Variants in ZNF469 observed in about 807,000 individuals in gnomAD.
ZNF469 encodes the protein zinc finger protein 469.
ZNF469 carries 1 observed loss-of-function variant against 1.0 expected under a neutral mutation model. The ratio of observed to expected loss-of-function variants is 1.00; its 90% CI spans 0.35 to 4.73. ZNF469 has a LOEUF of 4.73. ZNF469 is among the 30% of genes most tolerant of loss of function. ZNF469 has a pLI of 0.16. For missense variants in ZNF469, 6,100 were observed against 5,356.3 expected (o/e 1.14, Z -4.33); for synonymous variants, 2,703 against 2,363.4 (o/e 1.14, Z -4.17).
chr16:88,362,061 T>C, the ZNF469 span, among the ~76,000 whole-genome samples: 3 of 152,268 alleles, frequency 2.0e-5, no homozygotes, highest in Non-Finnish European at 2.9e-5. Context: ...TAGCTTTAGA[T>C]TGATTCTTAA....
At chr16:88,112,985 A>G in the ZNF469 span, among the ~76,000 whole-genome samples, 7,587 of 151,762 alleles carry the variant, frequency 0.05, 329 homozygotes, top group Non-Finnish European at 0.067. Context: ...TCACCGTGTT[A>G]GCCAGGATGG....
At chr16:88,145,161 CA>C in the ZNF469 span, among the ~76,000 whole-genome samples, 24 of 146,704 alleles carry the variant, frequency 1.6e-4, no homozygotes, top group Admixed American at 2.7e-4. Context: ...TTAACGATTA[CA>C]AAAAAAAAAA....
intron 1 of ZNF469, among the ~76,000 whole-genome samples, chr16:88,398,617 G>A (rs1246277783): frequency 2.0e-5 from 3 of 147,294 alleles, no homozygotes; most frequent in Non-Finnish European, 4.5e-5. Context: ...TGTGAGCCAT[G>A]GATGAAGGGA....
At position 88,433,715 on chromosome 16, in the gene ZNF469, G is replaced by A. The variant is rs1013853189; in HGVS notation, c.6245G>A (p.Arg2082Gln). The A allele has an allele frequency of 1.5e-5, 23 of 1,548,886 alleles. No individual in the cohort carries two copies. The highest frequency in any genetic ancestry group is 7.8e-5 in the Admixed American group (4 of 50,980). The change falls in exon 3 of 3, where the codon CGG (arginine) becomes CAG (glutamine). Residue 2082 changes from arginine to glutamine, a missense_variant. Physicochemically the swap from Arg to Gln is conservative, Grantham distance 43. Transcript: ENST00000565624. ...CACAGCCGAAGTGGATCTGAGGGCC[G>A]GACTCCAGAGAGGGCGTCCAGCCCC... Reference protein sequence around the residue: ...AAHSRSGSEGRTPERASSPGL... With the variant: ...AAHSRSGSEGQTPERASSPGL...
the ZNF469 span, among the ~76,000 whole-genome samples, chr16:88,348,280 T>C: frequency 6.6e-6 from 1 of 152,154 alleles, no homozygotes; most frequent in East Asian, 1.9e-4. Context: ...GCCACATTGC[T>C]GCTGTCCCTG....
chr16:88,182,349 C>CT, the ZNF469 span, among the ~76,000 whole-genome samples: 22,753 of 151,648 alleles, frequency 0.15, 2,151 homozygotes, highest in East Asian at 0.35. Context: ...TCTCATCAGA[C>CT]TTTTTTTTTC....
chr16:88,305,584 A>ATG, the ZNF469 span, among the ~76,000 whole-genome samples: 3 of 150,028 alleles, frequency 2.0e-5, no homozygotes, highest in East Asian at 6.1e-4. Context: ...GCTCACAGGC[A>ATG]CACACGCACA....
chr16:88,294,394 A>G, the ZNF469 span, among the ~76,000 whole-genome samples: 1 of 152,068 alleles, frequency 6.6e-6, no homozygotes, highest in African/African-American at 2.4e-5. Flanking sequence ...CTGTCTCCTC[A>G]GTGGTTTAGG....
the ZNF469 span, among the ~76,000 whole-genome samples, chr16:88,355,534 C>T: frequency 6.6e-6 from 1 of 152,334 alleles, no homozygotes; most frequent in South Asian, 2.1e-4. Flanking sequence ...CAGCTGCTGC[C>T]GATCCTGGGG....
At chr16:88,147,346 C>A in the ZNF469 span, among the ~76,000 whole-genome samples, 3 of 152,098 alleles carry the variant, frequency 2.0e-5, no homozygotes, top group Non-Finnish European at 2.9e-5. Context: ...CGACCTCTGA[C>A]CTTCAGCGCC....
chr16:88,381,274 GCACTCACACA>G (rs1218377521), upstream of ZNF469, among the ~76,000 whole-genome samples: 3 of 131,794 alleles, frequency 2.3e-5, no homozygotes, highest in Non-Finnish European at 4.8e-5. Flanking sequence ...ACACAGACAT[GCACTCACACA>G]CACGCACTCA....
chr16:88,216,114 CAT>C, the ZNF469 span, among the ~76,000 whole-genome samples: 1 of 152,182 alleles, frequency 6.6e-6, no homozygotes, highest in African/African-American at 2.4e-5. Context: ...CTTGTCTGAA[CAT>C]GTCTTTATTT....
At chr16:88,194,125 A>G in the ZNF469 span, among the ~76,000 whole-genome samples, 81 of 152,242 alleles carry the variant, frequency 5.3e-4, 2 homozygotes, top group South Asian at 0.017. Context: ...CCCCTCCGCC[A>G]CACAAACCTC....
the ZNF469 span, among the ~76,000 whole-genome samples, chr16:88,121,996 C>G: frequency 6.9e-6 from 1 of 144,360 alleles, no homozygotes; most frequent in African/African-American, 2.9e-5. Flanking sequence ...CCGTCACTCG[C>G]TACGGCCACG....
the ZNF469 span, among the ~76,000 whole-genome samples, chr16:88,117,173 GCATGTGAGGGCCGGGGA>G: frequency 7.0e-6 from 1 of 142,270 alleles, no homozygotes. Flanking sequence ...AGAACTGGGG[GCATGTGAGGGCCGGGGA>G]TGTGTGAGGG....
intron 1 of ZNF469, among the ~76,000 whole-genome samples, chr16:88,405,748 G>C (rs1905011335): frequency 6.6e-6 from 1 of 152,190 alleles, no homozygotes; most frequent in Admixed American, 6.5e-5. Flanking sequence ...CGCCTCGGTG[G>C]GGCCACAGCG....
the ZNF469 span, chr16:88,178,663 C>T: frequency 1.3e-5 from 2 of 152,186 alleles, no homozygotes; most frequent in South Asian, 4.1e-4. Flanking sequence ...GAGCAAAAAA[C>T]AATATTTTGT....
chr16:88,339,746 T>A, the ZNF469 span, among the ~76,000 whole-genome samples: 1 of 47,858 alleles, frequency 2.1e-5, no homozygotes, highest in Non-Finnish European at 3.7e-5. Context: ...GGCAGGGGGA[T>A]GGGGGACAGA....
the ZNF469 span, among the ~76,000 whole-genome samples, chr16:88,240,758 G>C: frequency 1.3e-5 from 2 of 152,144 alleles, no homozygotes; most frequent in Non-Finnish European, 2.9e-5. Flanking sequence ...CTGCAGCCAC[G>C]GGCAACCGCG....
Sources: allele counts gnomAD v4.1 joint callset (sites outside exome capture counted in the v4.1 genomes callset), GRCh38; gene constraint gnomAD v4.1.1; transcripts MANE v1.5; gene names NCBI Gene and HGNC (gene_info 2026-07-23, HGNC 2026-07-21).